Variants in GABRB3 observed in about 807,000 individuals in gnomAD.
GABRB3 encodes the protein gamma-aminobutyric acid type A receptor subunit beta3.
In GABRB3, 14 loss-of-function variants were observed where a neutral mutation model predicts 52.1. That is an observed-to-expected ratio of 0.27 (90% CI 0.18 to 0.42). GABRB3 has a LOEUF of 0.42. Ranked by LOEUF, GABRB3 falls within the 10% of genes least tolerant of loss-of-function variation. The pLI, the probability that GABRB3 is intolerant of heterozygous loss-of-function variation, is 1.00. For missense variants in GABRB3, 307 were observed against 609.1 expected (o/e 0.50, Z 5.22); for synonymous variants, 260 against 232.3 (o/e 1.12, Z -1.08).
At chr15:26,618,201 T>C (rs1450849751) in intron 4 of GABRB3, among the ~76,000 whole-genome samples, 7 of 152,100 alleles carry the variant, frequency 4.6e-5, no homozygotes, top group African/African-American at 1.7e-4. Flanking sequence ...AGAGCCCACA[T>C]CGCCAAGTCA....
intron 3 of GABRB3, chr15:26,624,157 G>A (rs554256569): frequency 1.0e-6 from 1 of 975,176 alleles, no homozygotes; most frequent in Admixed American, 6.2e-5. Flanking sequence ...CAGAACATCA[G>A]GATGAGAATG....
intron 3 of GABRB3, among the ~76,000 whole-genome samples, chr15:26,696,936 C>A (rs1888759999): frequency 6.6e-6 from 1 of 152,160 alleles, no homozygotes; most frequent in African/African-American, 2.4e-5. Context: ...GGCCAACATG[C>A]AGTGAATTTA....
intron 3 of GABRB3, among the ~76,000 whole-genome samples, chr15:26,699,057 A>G (rs1888840452): frequency 6.6e-6 from 1 of 152,186 alleles, no homozygotes; most frequent in Non-Finnish European, 1.5e-5. Flanking sequence ...TAATGTTATG[A>G]GAACAGTGAA....
At chr15:26,588,808 T>C (rs1469221667) in intron 4 of GABRB3, among the ~76,000 whole-genome samples, 1 of 152,214 alleles carries the variant, frequency 6.6e-6, no homozygotes, top group African/African-American at 2.4e-5. Context: ...ACAGTAATTA[T>C]AGTGACATTT....
chr15:26,646,535 C>T (rs960534848), intron 3 of GABRB3, among the ~76,000 whole-genome samples: 1 of 152,024 alleles, frequency 6.6e-6, no homozygotes, highest in Non-Finnish European at 1.5e-5. Context: ...ATGTATGAGT[C>T]TTTGTGTGGG....
At chr15:26,551,959 G>T (rs776843657) in intron 8 of GABRB3, among the ~76,000 whole-genome samples, 1 of 151,784 alleles carries the variant, frequency 6.6e-6, no homozygotes, top group Non-Finnish European at 1.5e-5. Context: ...TTCTAATGGA[G>T]CTTGTATCTC....
At chr15:26,548,227 T>C in intron 8 of GABRB3, 93 bp from the exon 9 acceptor site, 1 of 993,632 alleles carries the variant, frequency 1.0e-6, no homozygotes, top group South Asian at 1.3e-5. Flanking sequence ...CATCACATGT[T>C]GCATGTTTTA....
intron 8 of GABRB3, among the ~76,000 whole-genome samples, chr15:26,552,791 G>A (rs572644609): frequency 6.6e-6 from 1 of 152,278 alleles, no homozygotes; most frequent in Admixed American, 6.5e-5. Context: ...GAAGTGGGTG[G>A]AGAGAATGAG....
In GABRB3 at chr15:26,702,525, C is replaced by T. The variant is rs144408726; in HGVS notation, c.240+69877G>A. On this transcript the variant is annotated intron_variant, in intron 3 of 8. Coordinates refer to ENST00000311550, the MANE Select transcript of GABRB3 (RefSeq NM_000814.6). ...AAATCAGGAGCACTGCAAATCTACTCGAGTGGCTAATTTTAAAGAGATTGA... is the reference window on the plus strand; with the variant it reads ...AAATCAGGAGCACTGCAAATCTACTTGAGTGGCTAATTTTAAAGAGATTGA... Among the ~76,000 whole-genome samples, 484 of 152,312 alleles carry T rather than the reference C, an allele frequency of 3.2e-3. 4 individuals are homozygous for T. The highest frequency in any genetic ancestry group is 5.1e-3 in the Non-Finnish European group (348 of 68,026).
rs555611156 is a variant in GABRB3 at position 26,730,281 on chromosome 15, G to GGTAGC, written c.240+42116_240+42120dup. Among the ~76,000 whole-genome samples the GGTAGC allele has an allele frequency of 7.9e-3, 1,206 of 152,228 alleles. 8 individuals are homozygous for GGTAGC. The highest frequency in any genetic ancestry group is 0.02 in the Middle Eastern group (6 of 294). On this transcript the variant is annotated intron_variant, in intron 3 of 8. Coordinates refer to ENST00000311550, the MANE Select transcript of GABRB3 (RefSeq NM_000814.6). ...ACTTACAGGATGAATAGCCGGGCGT[G>GGTAGC]GTAGCGGGCGCCTGTAGTCCCAGCT...
intron 8 of GABRB3, among the ~76,000 whole-genome samples, chr15:26,551,349 G>T (rs1361507616): frequency 6.6e-6 from 1 of 152,190 alleles, no homozygotes. Flanking sequence ...CCCTGCAATG[G>T]TTTCTGTTTC....
intron 3 of GABRB3, among the ~76,000 whole-genome samples, chr15:26,731,890 C>CCGA (rs1401583282): frequency 2.3e-5 from 2 of 87,276 alleles, no homozygotes; most frequent in East Asian, 2.1e-3. Flanking sequence ...TATCTGGGTA[C>CCGA]TGATGTTTAT....
intron 3 of GABRB3, among the ~76,000 whole-genome samples, chr15:26,723,873 C>T (rs1055046823): frequency 6.6e-6 from 1 of 152,064 alleles, no homozygotes; most frequent in African/African-American, 2.4e-5. Context: ...GTGATGTAAA[C>T]CAATTGTACC....
chr15:26,722,281 G>A (rs1019510410), intron 3 of GABRB3, among the ~76,000 whole-genome samples: 2 of 152,294 alleles, frequency 1.3e-5, no homozygotes, highest in African/African-American at 4.8e-5. Context: ...ACGAAAGGGA[G>A]GAGACCTGAG....
intron 3 of GABRB3, among the ~76,000 whole-genome samples, chr15:26,660,948 A>G (rs1046484760): frequency 9.2e-5 from 14 of 152,110 alleles, no homozygotes; most frequent in Admixed American, 5.2e-4. Context: ...TATCTGGCTA[A>G]TTTTTAAAAT....
Position 26,713,105 on chromosome 15 carries a change from C to T in GABRB3, c.240+59297G>A, listed in dbSNP as rs762273332. 3.2e-4 allele frequency among the ~76,000 whole-genome samples: 48 copies of T among 152,206 alleles called. 2 individuals are homozygous for T. The Middle Eastern group carries it at 0.02, about 65-fold the overall frequency. On this transcript the variant is annotated intron_variant, in intron 3 of 8. Transcript: ENST00000311550. ...AACCAGGCTCTGCTGGTCAAGGTGC[C>T]CATGAGGGCAAGGACGAGGAAACGG...
chr15:26,575,164 T>C (rs1490544055), intron 6 of GABRB3, among the ~76,000 whole-genome samples: 1 of 152,176 alleles, frequency 6.6e-6, no homozygotes, highest in Non-Finnish European at 1.5e-5. Context: ...AAAAACTCTT[T>C]TTGCAAAAAA....
At position 26,629,144 on chromosome 15, in the gene GABRB3, C is replaced by T. The variant is rs577945144; in HGVS notation, c.241-7610G>A. On this transcript the variant is annotated intron_variant, in intron 3 of 8. Coordinates refer to ENST00000311550, the MANE Select transcript of GABRB3 (RefSeq NM_000814.6). ...CAGGAGAGGCTGAAGCTCGGGGAGG[C>T]GCAGGGGCGGAGTGTGGGGAGAAGC... The T allele has an allele frequency of 1.8e-3, 2,676 of 1,515,614 alleles. 6 individuals are homozygous for T. Among genetic ancestry groups the T allele is most frequent in the Non-Finnish European group, 2.2e-3 (2,461 of 1,132,480 alleles). 93.9% of individuals were successfully genotyped at this position (1,515,614 alleles called of 1,614,324 possible). A position where few individuals can be genotyped will look rare whatever the true frequency, so the allele number is the denominator to read the frequency against.
intron 3 of GABRB3, among the ~76,000 whole-genome samples, chr15:26,746,855 C>T (rs2316198): frequency 0.5 from 75,204 of 151,846 alleles, 20,006 homozygotes; most frequent in South Asian, 0.64. Flanking sequence ...GGCGTGGTGG[C>T]GGGCACCTGT....
Sources: gnomAD v4.1 joint callset for allele counts (sites outside exome capture counted in the v4.1 genomes callset) on GRCh38, gnomAD v4.1.1 for gene constraint, MANE v1.5 for transcripts, NCBI Gene and HGNC (gene_info 2026-07-23, HGNC 2026-07-21) for gene names.